Variants in ACOT1 observed in about 807,000 individuals in gnomAD.
ACOT1 encodes the protein acyl-CoA thioesterase 1.
In ACOT1, 8 loss-of-function variants were observed where a neutral mutation model predicts 15.7. The observed-to-expected ratio is 0.51, with a 90% confidence interval of 0.30 to 0.92. ACOT1 has a LOEUF of 0.92. Among genes scored for constraint, ACOT1 ranks in the 40% least tolerant of loss-of-function variants. The probability of loss-of-function intolerance (pLI) is 0.06; values close to 1 mark genes in which losing one functional copy is unlikely to be tolerated. For missense variants in ACOT1, 151 were observed against 539.4 expected (o/e 0.28, Z 7.13); for synonymous variants, 67 against 241.2 (o/e 0.28, Z 6.69).
At chr14:73,521,072 GA>G in the ACOT1 span, 1 of 1,580,330 alleles carries the variant, frequency 6.3e-7, no homozygotes, top group Non-Finnish European at 8.7e-7. Flanking sequence ...GGAAAAGGGG[GA>G]AAGAGTAGGA....
At chr14:73,498,413 T>C in the ACOT1 span, 11 of 1,405,544 alleles carry the variant, frequency 7.8e-6, no homozygotes, top group African/African-American at 2.9e-5. Flanking sequence ...CAGAAATAAA[T>C]TGAGTTTTGC....
chr14:73,519,204 C>T, the ACOT1 span: 1 of 1,566,728 alleles, frequency 6.4e-7, no homozygotes. Flanking sequence ...CTATAACCTC[C>T]CTATTTCCTT....
At chr14:73,505,362 G>A in the ACOT1 span, among the ~76,000 whole-genome samples, 1 of 151,794 alleles carries the variant, frequency 6.6e-6, no homozygotes, top group Non-Finnish European at 1.5e-5. Context: ...TGTTAATTTT[G>A]TGAAAGTTGG....
the ACOT1 span, among the ~76,000 whole-genome samples, chr14:73,507,284 T>C: frequency 6.6e-6 from 1 of 152,172 alleles, no homozygotes; most frequent in Non-Finnish European, 1.5e-5. Flanking sequence ...ATAGAGACCA[T>C]TTGCAACCTA....
the ACOT1 span, chr14:73,491,553 C>T: frequency 3.9e-6 from 6 of 1,535,748 alleles, no homozygotes; most frequent in African/African-American, 1.4e-5. Flanking sequence ...GGTGGGGAGC[C>T]GGCCTGGGAC....
the ACOT1 span, chr14:73,522,303 T>G: frequency 1.2e-5 from 19 of 1,608,912 alleles, no homozygotes; most frequent in East Asian, 4.1e-4. Context: ...AGTTCTGGCT[T>G]CTTCTTTTCC....
At chr14:73,522,743 T>C in the ACOT1 span, 1 of 1,614,224 alleles carries the variant, frequency 6.2e-7, no homozygotes, top group East Asian at 2.2e-5. Context: ...GCTTTCTGTC[T>C]TCACAGCCAG....
At chr14:73,520,879 T>A in the ACOT1 span, 1 of 1,614,006 alleles carries the variant, frequency 6.2e-7, no homozygotes, top group South Asian at 1.1e-5. Context: ...TCAAAGGTGT[T>A]GTCTGTGGAG....
the ACOT1 span, chr14:73,495,084 G>C: frequency 1.7e-6 from 1 of 599,814 alleles, no homozygotes; most frequent in Non-Finnish European, 2.9e-6. Context: ...CAAAGACTGA[G>C]TGGATGGTAG....
the ACOT1 span, among the ~76,000 whole-genome samples, chr14:73,509,810 C>CTATATA: frequency 1.6e-3 from 100 of 63,190 alleles, 28 homozygotes; most frequent in Non-Finnish European, 2.0e-3. Flanking sequence ...CCCCATGAGC[C>CTATATA]CATATATATA....
the ACOT1 span, chr14:73,509,544 A>T: frequency 6.5e-7 from 1 of 1,546,732 alleles, no homozygotes; most frequent in Non-Finnish European, 8.9e-7. Context: ...TCCTTCCTAC[A>T]GCCATGTGGT....
At chr14:73,491,994 A>G in the ACOT1 span, 4 of 1,613,892 alleles carry the variant, frequency 2.5e-6, no homozygotes, top group Non-Finnish European at 2.5e-6. Flanking sequence ...GCAGGCTCCA[A>G]CGTTTACCTC....
chr14:73,523,777 A>G, the ACOT1 span, among the ~76,000 whole-genome samples: 1,854 of 152,300 alleles, frequency 0.012, 47 homozygotes, highest in African/African-American at 0.043. Flanking sequence ...GTGCTGCTCC[A>G]TAACTCTTTC....
In ACOT1 at chr14:73,543,730, G is replaced by A; in HGVS notation, c.*75G>A. On this transcript the variant is annotated 3_prime_UTR_variant, in exon 3 of 3. Transcript: ENST00000311148. ...TCTGCCACATTTAGTGTGTGTATGT[G>A]TATTCATTCTTTCTCATAACTTCTT... 3 of 742,592 alleles carry A rather than the reference G, an allele frequency of 4.0e-6. 1 individual carries two copies. The highest frequency in any genetic ancestry group is 5.4e-6 in the Non-Finnish European group (3 of 553,214). 46.0% of individuals were successfully genotyped at this position (742,592 alleles called of 1,614,324 possible). A position where few individuals can be genotyped will look rare whatever the true frequency, so the allele number is the denominator to read the frequency against.
chr14:73,501,742 T>A, the ACOT1 span, among the ~76,000 whole-genome samples: 2 of 151,168 alleles, frequency 1.3e-5, no homozygotes, highest in African/African-American at 2.4e-5. Flanking sequence ...ACTGGCTAAC[T>A]TTTTATTTTA....
chr14:73,506,239 G>T, the ACOT1 span, among the ~76,000 whole-genome samples: 1 of 152,048 alleles, frequency 6.6e-6, no homozygotes, highest in Admixed American at 6.6e-5. Context: ...TTTCATTGTG[G>T]ATCAGTTACC....
chr14:73,494,877 A>G, the ACOT1 span, among the ~76,000 whole-genome samples: 1 of 152,080 alleles, frequency 6.6e-6, no homozygotes, highest in Non-Finnish European at 1.5e-5. Flanking sequence ...CACTACCACT[A>G]TTAAGGTTAA....
At chr14:73,520,672 T>A in the ACOT1 span, 2 of 582,020 alleles carry the variant, frequency 3.4e-6, no homozygotes, top group Non-Finnish European at 6.1e-6. Context: ...TCCCTCCCTA[T>A]TAGTTATCAC....
chr14:73,520,665 C>T, the ACOT1 span: 15 of 554,030 alleles, frequency 2.7e-5, no homozygotes, highest in South Asian at 2.7e-4. Flanking sequence ...GAGCAGTTCC[C>T]TCCCTATTAG....
Sources: allele counts gnomAD v4.1 joint callset (sites outside exome capture counted in the v4.1 genomes callset), GRCh38; gene constraint gnomAD v4.1.1; transcripts MANE v1.5; gene names NCBI Gene and HGNC (gene_info 2026-07-23, HGNC 2026-07-21).